CNIH3: variants seen among roughly 807,000 people sequenced by gnomAD.
CNIH3 encodes cornichon family AMPA receptor auxiliary protein 3, also known as protein cornichon homolog 3.
CNIH3 carries 14 observed loss-of-function variants against 24.1 expected under a neutral mutation model. The observed-to-expected ratio is 0.58, with a 90% CI of 0.38 to 0.91. The LOEUF (loss-of-function observed/expected upper bound fraction) is 0.91, where lower values mean the gene tolerates loss of function less well. CNIH3 is among the 40% of genes least tolerant of loss of function. CNIH3 has a pLI of 0.00. For missense variants in CNIH3, 178 were observed against 196.8 expected (o/e 0.90, Z 0.57); for synonymous variants, 68 against 73.8 (o/e 0.92, Z 0.40).
intron 3 of CNIH3, among the ~76,000 whole-genome samples, chr1:224,711,316 C>G (rs1037561391): frequency 6.8e-4 from 97 of 142,350 alleles, no homozygotes; most frequent in African/African-American, 2.5e-3. Flanking sequence ...ATCTTTCTCT[C>G]TCTCTCTCTT....
At chr1:224,716,932 G>A (rs918105652) in intron 3 of CNIH3, among the ~76,000 whole-genome samples, 1 of 152,220 alleles carries the variant, frequency 6.6e-6, no homozygotes, top group Non-Finnish European at 1.5e-5. Context: ...AGAAAGGGGA[G>A]CCCTGCTAGG....
intron 1 of CNIH3, among the ~76,000 whole-genome samples, chr1:224,451,262 G>A (rs1267491486): frequency 2.6e-5 from 4 of 152,288 alleles, no homozygotes; most frequent in South Asian, 4.1e-4. Context: ...GCAGCCTCTT[G>A]GTCAGCTTTG....
chr1:224,695,373 C>G (rs928075391), intron 3 of CNIH3, among the ~76,000 whole-genome samples: 2 of 149,128 alleles, frequency 1.3e-5, no homozygotes, highest in African/African-American at 2.4e-5. Flanking sequence ...CACACACACA[C>G]ACACACACAC....
At chr1:224,481,918 T>C (rs1676829612) in intron 1 of CNIH3, among the ~76,000 whole-genome samples, 2 of 152,242 alleles carry the variant, frequency 1.3e-5, no homozygotes, top group South Asian at 4.1e-4. Context: ...CCTGGTGCTC[T>C]ATTCTACTGT....
At chr1:224,529,829 C>G (rs1482419143) in intron 2 of CNIH3, among the ~76,000 whole-genome samples, 1 of 152,208 alleles carries the variant, frequency 6.6e-6, no homozygotes, top group African/African-American at 2.4e-5. Context: ...TTTCTGATAA[C>G]GGGCTGTACC....
intron 3 of CNIH3, among the ~76,000 whole-genome samples, chr1:224,556,125 T>C (rs997723328): frequency 2.6e-5 from 4 of 152,212 alleles, no homozygotes; most frequent in Non-Finnish European, 4.4e-5. Flanking sequence ...GACATCCAGT[T>C]TGTTTCCTGG....
At chr1:224,636,270 A>G (rs534480953) in intron 1 of CNIH3, among the ~76,000 whole-genome samples, 2 of 152,310 alleles carry the variant, frequency 1.3e-5, no homozygotes, top group East Asian at 3.9e-4. Context: ...GACTACATTG[A>G]TGAAAGAGGG....
chr1:224,699,657 A>G (rs867932728), intron 3 of CNIH3, among the ~76,000 whole-genome samples: 2 of 152,204 alleles, frequency 1.3e-5, no homozygotes, highest in Non-Finnish European at 2.9e-5. Flanking sequence ...TCTGACAGCA[A>G]TAATTTAAGC....
intron 1 of CNIH3, among the ~76,000 whole-genome samples, chr1:224,625,296 T>C (rs1025352310): frequency 2.6e-5 from 4 of 152,168 alleles, no homozygotes; most frequent in African/African-American, 4.8e-5. Flanking sequence ...ACGCCTGTAA[T>C]CCCAGCACTT....
chr1:224,608,971 C>T (rs1682558610), intron 3 of CNIH3, among the ~76,000 whole-genome samples: 1 of 152,232 alleles, frequency 6.6e-6, no homozygotes, highest in Non-Finnish European at 1.5e-5. Context: ...TATTGGGAAG[C>T]TGCTGATTAC....
In CNIH3 at chr1:224,579,918, C is replaced by A. The variant is rs191733243; in HGVS notation, n.517-3246C>A. On this transcript the variant is annotated intron_variant and non_coding_transcript_variant, in intron 4 of 5. Coordinates refer to the CNIH3 transcript ENST00000471578. ...AAATAAGCCTTTTCTTTTCTTTATACCCAGCCTTAGGTATTCCTTTCTAGC... is the reference window on the plus strand; with the variant it reads ...AAATAAGCCTTTTCTTTTCTTTATAACCAGCCTTAGGTATTCCTTTCTAGC... 3.0e-3 allele frequency among the ~76,000 whole-genome samples: 450 copies of A among 152,262 alleles called. 1 individual carries two copies. Among genetic ancestry groups the A allele is most frequent in the African/African-American group, 0.01 (427 of 41,542 alleles).
chr1:224,603,937 G>A (rs976732503), intron 3 of CNIH3, among the ~76,000 whole-genome samples: 23 of 152,150 alleles, frequency 1.5e-4, no homozygotes, highest in South Asian at 6.2e-4. Context: ...TATTTTATTC[G>A]TAAATTCTTA....
intron 1 of CNIH3, among the ~76,000 whole-genome samples, chr1:224,465,511 A>G (rs11800613): frequency 0.28 from 42,868 of 152,142 alleles, 7,468 homozygotes; most frequent in African/African-American, 0.49. Context: ...TTCCCTCCTC[A>G]TAGCTTTTAT....
At chr1:224,641,111 G>T (rs1684336865) in intron 1 of CNIH3, among the ~76,000 whole-genome samples, 1 of 152,196 alleles carries the variant, frequency 6.6e-6, no homozygotes, top group Non-Finnish European at 1.5e-5. Context: ...GCTGTGATTG[G>T]AGTCTTCGGC....
chr1:224,461,890 T>C (rs138558483), intron 1 of CNIH3, among the ~76,000 whole-genome samples: 115 of 152,312 alleles, frequency 7.6e-4, no homozygotes, highest in Middle Eastern at 6.8e-3. Context: ...ATAAATGGAG[T>C]CATACAGTAT....
Position 224,616,955 on chromosome 1 carries a change from G to C in CNIH3, c.-220G>C, listed in dbSNP as rs1683030983. 1 of 1,388,936 alleles carries C rather than the reference G, an allele frequency of 7.2e-7. No homozygotes were observed. Among genetic ancestry groups the C allele is most frequent in the Non-Finnish European group, 9.3e-7 (1 of 1,077,280 alleles). The allele number at this position is 1,388,936 out of a possible 1,614,324, so 86.0% of individuals were successfully genotyped here. Reference sequence around the variant, plus strand: ...AGCGACTCTCGACACACGTTTTCCTGTCTTCGCCGGAGGGCCGGGTCTGGG... The same window carrying C: ...AGCGACTCTCGACACACGTTTTCCTCTCTTCGCCGGAGGGCCGGGTCTGGG... On this transcript the variant is annotated 5_prime_UTR_variant, in exon 1 of 6. Transcript: ENST00000272133.
At chr1:224,593,412 G>A (rs1452575051), downstream of CNIH3, among the ~76,000 whole-genome samples, 1 of 152,144 alleles carries the variant, frequency 6.6e-6, no homozygotes, top group South Asian at 2.1e-4. Context: ...TGGTTTTCAG[G>A]TCATTACTAC....
At chr1:224,511,899 G>T (rs1678165391), upstream of CNIH3, among the ~76,000 whole-genome samples, 1 of 152,196 alleles carries the variant, frequency 6.6e-6, no homozygotes, top group Non-Finnish European at 1.5e-5. Context: ...GAGCTGGCCA[G>T]GCATGGTGGC....
intron 2 of CNIH3, among the ~76,000 whole-genome samples, chr1:224,543,985 T>C (rs955892641): frequency 2.0e-5 from 3 of 152,096 alleles, no homozygotes; most frequent in Admixed American, 6.6e-5. Context: ...TCTGGGTGGG[T>C]CTGTTCATTA....
Sources: gnomAD v4.1 joint callset for allele counts (sites outside exome capture counted in the v4.1 genomes callset) on GRCh38, gnomAD v4.1.1 for gene constraint, MANE v1.5 for transcripts, NCBI Gene and HGNC (gene_info 2026-07-23, HGNC 2026-07-21) for gene names.